PVALB: variants seen among roughly 807,000 people sequenced by gnomAD.
The protein encoded by PVALB is parvalbumin alpha.
A neutral mutation model predicts 10.9 loss-of-function variants in PVALB; 11 were observed. That is an observed-to-expected ratio of 1.01 (90% confidence interval 0.63 to 1.67). The LOEUF (loss-of-function observed/expected upper bound fraction) is 1.67, where lower values mean the gene tolerates loss of function less well. Among genes scored for constraint, PVALB ranks in the 40% most tolerant of loss-of-function variants. The pLI is 0.00. For missense variants in PVALB, 131 were observed against 136.2 expected (o/e 0.96, Z 0.19); for synonymous variants, 57 against 50.7 (o/e 1.12, Z -0.53).
chr22:36,802,603 C>CACAAAA (rs1222848851), intron 3 of PVALB, among the ~76,000 whole-genome samples: 30 of 27,418 alleles, frequency 1.1e-3, no homozygotes, highest in Non-Finnish European at 2.0e-3. Context: ...CCATCTCACA[C>CACAAAA]AAAAAAAAAA....
chr22:36,813,613 A>C, intron 3 of PVALB, 33 bp downstream of exon 3: 1 of 1,545,030 alleles, frequency 6.5e-7, no homozygotes, highest in Non-Finnish European at 8.9e-7. Context: ...CAAGATCCAC[A>C]ATATGCCCAG....
Position 36,813,696 on chromosome 22 carries a change from A to C in PVALB, c.254T>G (p.Met85Arg), listed in dbSNP as rs1939083549. The change falls in exon 3 of 4, where the codon ATG (methionine) becomes AGG (arginine). Residue 85 changes from methionine to arginine, a missense_variant. Transcript: ENST00000417718. ...ATCTTTGTCTCCAGCAGCCATCAGCATCTTGGTTTCTTTAGCAGACAGGTC... is the reference window on the plus strand; with the variant it reads ...ATCTTTGTCTCCAGCAGCCATCAGCCTCTTGGTTTCTTTAGCAGACAGGTC... ...ARDLSAKETK[M>R]LMAAGDKDGD... The C allele has an allele frequency of 6.2e-7, 1 of 1,614,098 alleles. No homozygotes were observed. Among genetic ancestry groups the C allele is most frequent in the East Asian group, 2.2e-5 (1 of 44,882 alleles).
At position 36,811,371 on chromosome 22, in the gene PVALB, C is replaced by T. The variant is rs191567460; in HGVS notation, c.304+2275G>A. 3.9e-4 allele frequency: 156 copies of T among 404,688 alleles called. 1 individual carries two copies. The highest frequency in any genetic ancestry group is 3.1e-4 in the Non-Finnish European group (60 of 195,974). 25.1% of individuals were successfully genotyped at this position (404,688 alleles called of 1,614,324 possible). ...GTGCTGGGCACTACAGGCCACATTTCCATGTTATAATGCCTAGTTTACAGA... is the reference window on the plus strand; with the variant it reads ...GTGCTGGGCACTACAGGCCACATTTTCATGTTATAATGCCTAGTTTACAGA... On this transcript the variant is annotated intron_variant, in intron 3 of 3. Coordinates refer to ENST00000417718, the MANE Select transcript of PVALB (RefSeq NM_001315532.2).
chr22:36,805,498 T>C (rs1601519122), intron 3 of PVALB, among the ~76,000 whole-genome samples: 1 of 152,212 alleles, frequency 6.6e-6, no homozygotes, highest in Non-Finnish European at 1.5e-5. Flanking sequence ...TCATCGTTGT[T>C]CTTGTTGCCA....
At chr22:36,806,431 G>A (rs182648838) in intron 3 of PVALB, among the ~76,000 whole-genome samples, 5 of 152,260 alleles carry the variant, frequency 3.3e-5, no homozygotes, top group East Asian at 1.9e-4. Context: ...CCAAGGCCGC[G>A]GGGATTGGAC....
At chr22:36,804,035 G>A (rs1229805862) in intron 3 of PVALB, among the ~76,000 whole-genome samples, 5 of 152,188 alleles carry the variant, frequency 3.3e-5, no homozygotes, top group Non-Finnish European at 7.3e-5. Context: ...TCCCTGTTTG[G>A]GGGCACTGAG....
At chr22:36,807,715 A>G (rs965018380) in intron 3 of PVALB, among the ~76,000 whole-genome samples, 3 of 152,196 alleles carry the variant, frequency 2.0e-5, no homozygotes, top group African/African-American at 7.2e-5. Context: ...AGATACAGCC[A>G]TTCCCACGGC....
intron 1 of PVALB, 46 bp from the exon 2 acceptor site, chr22:36,815,281 A>C: frequency 6.2e-7 from 1 of 1,611,710 alleles, no homozygotes. Context: ...AAAGGCTGGT[A>C]GGGAAGCCTG....
At chr22:36,813,848 G>A in intron 2 of PVALB, 93 bp from the exon 3 acceptor site, 1 of 958,472 alleles carries the variant, frequency 1.0e-6, no homozygotes, top group Non-Finnish European at 1.7e-6. Flanking sequence ...TCTGTATGGG[G>A]AAAGGGATGG....
At chr22:36,811,941 G>A (rs1939052274) in intron 3 of PVALB, among the ~76,000 whole-genome samples, 1 of 152,090 alleles carries the variant, frequency 6.6e-6, no homozygotes, top group African/African-American at 2.4e-5. Flanking sequence ...AGATGGCCAG[G>A]GGACCCCCTG....
chr22:36,809,100 A>C (rs1939007456), intron 3 of PVALB, among the ~76,000 whole-genome samples: 1 of 152,214 alleles, frequency 6.6e-6, no homozygotes, highest in African/African-American at 2.4e-5. Flanking sequence ...CAAACAGAGC[A>C]GGGAAGAGAG....
intron 3 of PVALB, among the ~76,000 whole-genome samples, chr22:36,806,830 G>A (rs1421074236): frequency 6.6e-6 from 1 of 152,146 alleles, no homozygotes; most frequent in Non-Finnish European, 1.5e-5. Context: ...CTGAGGCTGA[G>A]TGTCACTGTG....
rs776938092 is a variant in PVALB at position 36,815,241 on chromosome 22, G to T, written c.62-6C>A. 1 of 1,614,008 alleles carries T rather than the reference G, an allele frequency of 6.2e-7. No individual in the cohort carries two copies. Among genetic ancestry groups the T allele is most frequent in the Non-Finnish European group, 8.5e-7 (1 of 1,179,986 alleles). ...GTGGTCGAAGGAGTCGGTAGCTGTG[G>T]GGGGAAGAGCAGGGTCAAACAAGGA... On this transcript the variant is annotated splice_region_variant and splice_polypyrimidine_tract_variant and intron_variant, in intron 1 of 3. Coordinates refer to ENST00000417718, the MANE Select transcript of PVALB (RefSeq NM_001315532.2).
At chr22:36,802,639 C>T (rs899799090) in intron 3 of PVALB, among the ~76,000 whole-genome samples, 4 of 147,826 alleles carry the variant, frequency 2.7e-5, no homozygotes, top group East Asian at 4.0e-4. Context: ...AAGAAACAAC[C>T]TGGCACTGGC....
intron 3 of PVALB, among the ~76,000 whole-genome samples, chr22:36,808,040 G>A (rs1308592686): frequency 1.3e-5 from 2 of 152,240 alleles, no homozygotes; most frequent in African/African-American, 4.8e-5. Context: ...ATCCATCGCC[G>A]GGAATGGGTT....
intron 1 of PVALB, chr22:36,816,418 C>T (rs2145955542): frequency 6.5e-6 from 1 of 152,922 alleles, no homozygotes. Context: ...TGCGCCGGCT[C>T]CAGAAGGTCA....
chr22:36,816,906 C>CGAGGGGAGAGGGATGGG (rs779934394), intron 1 of PVALB, 39 bp downstream of exon 1: 2 of 1,557,518 alleles, frequency 1.3e-6, no homozygotes, highest in Admixed American at 1.7e-5. Context: ...GGGCGGTGGA[C>CGAGGGGAGAGGGATGGG]GAGGGGAGAG....
intron 3 of PVALB, among the ~76,000 whole-genome samples, chr22:36,810,090 G>A (rs1939022820): frequency 6.6e-6 from 1 of 152,054 alleles, no homozygotes; most frequent in Non-Finnish European, 1.5e-5. Context: ...TCACCATGTT[G>A]GCCAGGCTGG....
At chr22:36,802,055 A>C (rs1938873259) in intron 3 of PVALB, among the ~76,000 whole-genome samples, 1 of 152,278 alleles carries the variant, frequency 6.6e-6, no homozygotes, top group Non-Finnish European at 1.5e-5. Context: ...TCTGAGACTC[A>C]TTTGAGGTGA....
Sources: allele counts gnomAD v4.1 joint callset (sites outside exome capture counted in the v4.1 genomes callset), GRCh38; gene constraint gnomAD v4.1.1; transcripts MANE v1.5; gene names NCBI Gene and HGNC (gene_info 2026-07-23, HGNC 2026-07-21).